RBM34: variants seen among roughly 807,000 people sequenced by gnomAD.
RBM34 encodes RNA-binding protein 34.
In RBM34, 39 loss-of-function variants were observed where a neutral mutation model predicts 44.6. The observed-to-expected ratio is 0.87, with a 90% CI of 0.68 to 1.14. The LOEUF is 1.14. RBM34 is among the 50% of genes most tolerant of loss of function. The pLI is 0.00. For missense variants in RBM34, 572 were observed against 517.9 expected (o/e 1.10, Z -1.01); for synonymous variants, 194 against 184.0 (o/e 1.05, Z -0.44).
rs74148654 is a variant in RBM34, at chr1:235,139,616, C to T, written c.702-1442G>A. Among the ~76,000 whole-genome samples, 1,027 of 152,274 alleles carry T rather than the reference C, an allele frequency of 6.7e-3. 15 individuals are homozygous for T. Among genetic ancestry groups the T allele is most frequent in the African/African-American group, 0.024 (980 of 41,550 alleles). ...CCTAGTGCACCCCCAGGAACAAATG[C>T]TGGAGTTCCGCTTCCACCTAGAATG... On this transcript the variant is annotated intron_variant, in intron 6 of 10. Coordinates refer to ENST00000408888, the MANE Select transcript of RBM34 (RefSeq NM_015014.4).
chr1:235,160,793 T>C lies in RBM34; in HGVS notation c.228+100A>G, dbSNP rs1279658415. ...AAGGTTACTTAAAATGAATCCTGTC[T>C]GCCCCCTTTAGAAATCACGCTTCAC... On this transcript the variant is annotated intron_variant, in intron 2 of 10. Coordinates refer to ENST00000408888, the MANE Select transcript of RBM34 (RefSeq NM_015014.4). 2.0e-6 allele frequency: 3 copies of C among 1,530,654 alleles called. No homozygotes were observed. The African/African-American group carries it at 4.2e-5, about 21-fold the overall frequency. 94.8% of individuals were successfully genotyped at this position (1,530,654 alleles called of 1,614,324 possible).
chr1:235,154,584 G>C (rs1349594677), intron 4 of RBM34, among the ~76,000 whole-genome samples: 1 of 151,994 alleles, frequency 6.6e-6, no homozygotes, highest in Non-Finnish European at 1.5e-5. Context: ...AAAAAGGAAA[G>C]ACATCTTTAA....
chr1:235,132,063 T>A (rs2102819991), intron 10 of RBM34, 66 bp from the exon 11 acceptor site: 1 of 1,431,178 alleles, frequency 7.0e-7, no homozygotes, highest in African/African-American at 1.4e-5. Flanking sequence ...CTAGTGAAAG[T>A]GTCACTTTAA....
At chr1:235,149,146 T>C (rs1662043069) in intron 5 of RBM34, among the ~76,000 whole-genome samples, 1 of 151,310 alleles carries the variant, frequency 6.6e-6, no homozygotes, top group Non-Finnish European at 1.5e-5. Context: ...CCCAGCACTT[T>C]GGGAGGCCAA....
chr1:235,153,222 T>G (rs1662240337), intron 4 of RBM34, among the ~76,000 whole-genome samples: 1 of 148,634 alleles, frequency 6.7e-6, no homozygotes, highest in African/African-American at 2.5e-5. Flanking sequence ...TTCAGTTGGA[T>G]GAACAAAAAA....
intron 3 of RBM34, among the ~76,000 whole-genome samples, chr1:235,157,684 G>C (rs1042009971): frequency 3.9e-5 from 6 of 152,194 alleles, no homozygotes; most frequent in Non-Finnish European, 8.8e-5. Flanking sequence ...AGAGTAGTCA[G>C]AGGAAAAGAT....
intron 6 of RBM34, among the ~76,000 whole-genome samples, chr1:235,146,214 G>A (rs2102844445): frequency 6.6e-6 from 1 of 152,196 alleles, no homozygotes; most frequent in South Asian, 2.1e-4. Context: ...TAATGGTGCT[G>A]AGATTACAGG....
chr1:235,135,357 T>C (rs1324208530), intron 10 of RBM34, among the ~76,000 whole-genome samples: 1 of 151,982 alleles, frequency 6.6e-6, no homozygotes, highest in Non-Finnish European at 1.5e-5. Context: ...GCCTCCTGAG[T>C]AGCTGGGATT....
In RBM34 at chr1:235,137,951, A is replaced by G. The variant is rs530925148; in HGVS notation, c.786-11T>C. 5.3e-5 allele frequency: 85 copies of G among 1,598,748 alleles called. No homozygotes were observed. In the African/African-American group the frequency reaches 9.5e-4, roughly 18 times the overall value. ...ATCTGGGCCCCATTTCTGTATTATAAATACAAAGGGAAAATGGTTGTTAAA... is the reference window on the plus strand; with the variant it reads ...ATCTGGGCCCCATTTCTGTATTATAGATACAAAGGGAAAATGGTTGTTAAA... On this transcript the variant is annotated splice_polypyrimidine_tract_variant and intron_variant, in intron 7 of 10. Coordinates refer to ENST00000408888, the MANE Select transcript of RBM34 (RefSeq NM_015014.4).
intron 8 of RBM34, among the ~76,000 whole-genome samples, chr1:235,136,750 C>G (rs543682368): frequency 6.6e-6 from 1 of 152,336 alleles, no homozygotes; most frequent in South Asian, 2.1e-4. Flanking sequence ...AGAATAGCTC[C>G]TGAACAAAAT....
At chr1:235,138,788 G>C in intron 6 of RBM34, among the ~76,000 whole-genome samples, 1 of 149,964 alleles carries the variant, frequency 6.7e-6, no homozygotes. Flanking sequence ...CTTTTGACCT[G>C]ATATGTCTTT....
At chr1:235,135,907 C>A in intron 9 of RBM34, 127 bp downstream of exon 9, 1 of 1,205,752 alleles carries the variant, frequency 8.3e-7, no homozygotes, top group Non-Finnish European at 1.2e-6. Context: ...AGTACATGTG[C>A]TGCCACGGCA....
At chr1:235,140,792 A>C (rs1417869996) in intron 6 of RBM34, among the ~76,000 whole-genome samples, 3 of 152,232 alleles carry the variant, frequency 2.0e-5, no homozygotes, top group Non-Finnish European at 4.4e-5. Context: ...CTTTATGTCT[A>C]GCTCAGGGAT....
At position 235,131,985 on chromosome 1, in the gene RBM34, C is replaced by T. The variant is rs375776522; in HGVS notation, c.1021G>A (p.Val341Ile). 69 of 1,597,528 alleles carry T rather than the reference C, an allele frequency of 4.3e-5. No homozygotes were observed. Among genetic ancestry groups the T allele is most frequent in the Non-Finnish European group, 5.7e-5 (67 of 1,172,084 alleles). ...TTATTTAATTTCAGAGCAAGATGAA[C>T]AGAATCTGTATTCTGCAAAAGAAAA... ...GYVLFENTDS[V>I]HLALKLNNSE... Residue 341 changes from valine to isoleucine, a missense_variant, in exon 11 of 11, where the codon GTT becomes ATT. Transcript: ENST00000408888.
chr1:235,149,677 G>C, intron 5 of RBM34, among the ~76,000 whole-genome samples: 1 of 152,086 alleles, frequency 6.6e-6, no homozygotes, highest in East Asian at 1.9e-4. Flanking sequence ...TTATGGAAGA[G>C]GCAGAAATAC....
intron 10 of RBM34, among the ~76,000 whole-genome samples, chr1:235,134,392 G>A (rs778981189): frequency 9.2e-5 from 14 of 151,976 alleles, no homozygotes; most frequent in Admixed American, 2.0e-4. Flanking sequence ...AAGTCCTCAC[G>A]TTAATCAATC....
At chr1:235,145,480 G>A (rs955038212) in intron 6 of RBM34, among the ~76,000 whole-genome samples, 1 of 151,880 alleles carries the variant, frequency 6.6e-6, no homozygotes, top group Non-Finnish European at 1.5e-5. Flanking sequence ...GTCTCGCCAC[G>A]CTGCCCAGGC....
intron 6 of RBM34, among the ~76,000 whole-genome samples, chr1:235,145,503 C>T (rs926858552): frequency 1.3e-5 from 2 of 152,080 alleles, no homozygotes; most frequent in Non-Finnish European, 2.9e-5. Flanking sequence ...GTCTCGAACT[C>T]CTAGGCTCAT....
At chr1:235,154,744 G>A in intron 4 of RBM34, 137 bp downstream of exon 4, 1 of 725,882 alleles carries the variant, frequency 1.4e-6, no homozygotes. Flanking sequence ...GGTGGATACT[G>A]GAATCCATTC....
Sources: allele counts gnomAD v4.1 joint callset (sites outside exome capture counted in the v4.1 genomes callset), GRCh38; gene constraint gnomAD v4.1.1; transcripts MANE v1.5; gene names NCBI Gene and HGNC (gene_info 2026-07-23, HGNC 2026-07-21).